Variants in HMG20A observed in about 807,000 individuals in gnomAD.
HMG20A encodes the protein high mobility group 20A.
In HMG20A, 17 loss-of-function variants were observed where a neutral mutation model predicts 43.9. The observed-to-expected ratio is 0.39, with a 90% CI of 0.27 to 0.58. HMG20A has a LOEUF of 0.58. Ranked by LOEUF, HMG20A falls within the 20% of genes least tolerant of loss-of-function variation. HMG20A has a pLI of 0.59. For missense variants in HMG20A, 341 were observed against 438.2 expected, an observed-to-expected ratio of 0.78 and a Z score of 1.98; for synonymous variants, 132 against 147.5, an observed-to-expected ratio of 0.89 and a Z score of 0.76.
At chr15:77,454,855 G>C (rs1426580703) in intron 1 of HMG20A, among the ~76,000 whole-genome samples, 1 of 152,106 alleles carries the variant, frequency 6.6e-6, no homozygotes, top group Non-Finnish European at 1.5e-5. Context: ...ATGATGGTAA[G>C]AGATTTTTGG....
chr15:77,421,588 G>C (rs1248689313), intron 1 of HMG20A, among the ~76,000 whole-genome samples: 1 of 152,224 alleles, frequency 6.6e-6, no homozygotes, highest in Non-Finnish European at 1.5e-5. Context: ...ACATGCAACA[G>C]GAAATCTAGC....
chr15:77,422,552 G>T (rs1337970072), intron 1 of HMG20A, among the ~76,000 whole-genome samples: 1 of 152,146 alleles, frequency 6.6e-6, no homozygotes, highest in Non-Finnish European at 1.5e-5. Flanking sequence ...GGAGGCGGAG[G>T]TTGCAGTGAG....
At chr15:77,441,445 T>C (rs1397598236) in intron 1 of HMG20A, among the ~76,000 whole-genome samples, 1 of 152,212 alleles carries the variant, frequency 6.6e-6, no homozygotes. Context: ...TATAATTAAA[T>C]ATACTGTTTC....
chr15:77,481,488 C>T (rs919961856), intron 9 of HMG20A, among the ~76,000 whole-genome samples: 4 of 152,138 alleles, frequency 2.6e-5, no homozygotes, highest in Non-Finnish European at 4.4e-5. Flanking sequence ...TTGATAACAT[C>T]GTGTCTCTTC....
chr15:77,471,359 A>G (rs1470178287), intron 5 of HMG20A, among the ~76,000 whole-genome samples: 2 of 152,094 alleles, frequency 1.3e-5, no homozygotes, highest in Non-Finnish European at 2.9e-5. Context: ...ACAAAATTAT[A>G]TCAGTAACTT....
At chr15:77,466,739 A>G (rs1472312116) in intron 3 of HMG20A, among the ~76,000 whole-genome samples, 1 of 152,226 alleles carries the variant, frequency 6.6e-6, no homozygotes, top group Non-Finnish European at 1.5e-5. Flanking sequence ...GTCAGGAATC[A>G]GGACCTGACA....
At chr15:77,512,276 TG>T in the HMG20A span, among the ~76,000 whole-genome samples, 1 of 152,124 alleles carries the variant, frequency 6.6e-6, no homozygotes, top group Non-Finnish European at 1.5e-5. Flanking sequence ...CATTGTTTAA[TG>T]GGTACAGAAT....
At chr15:77,458,948 C>G (rs1453541334) in intron 2 of HMG20A, among the ~76,000 whole-genome samples, 1 of 152,144 alleles carries the variant, frequency 6.6e-6, no homozygotes, top group Non-Finnish European at 1.5e-5. Context: ...CCCCCTTCTC[C>G]TTTCTGTGGG....
chr15:77,463,715 G>C (rs1014275818), intron 2 of HMG20A, among the ~76,000 whole-genome samples: 1 of 152,158 alleles, frequency 6.6e-6, no homozygotes, highest in African/African-American at 2.4e-5. Context: ...TAACTTGATA[G>C]TATTGTTCTT....
chr15:77,453,946 G>A (rs1471788224), intron 1 of HMG20A, among the ~76,000 whole-genome samples: 1 of 151,856 alleles, frequency 6.6e-6, no homozygotes, highest in Non-Finnish European at 1.5e-5. Flanking sequence ...TGAGGCAGGA[G>A]GATTGCTTGA....
At chr15:77,467,378 C>A in intron 4 of HMG20A, 71 bp downstream of exon 4, 2 of 1,293,348 alleles carry the variant, frequency 1.5e-6, no homozygotes, top group Non-Finnish European at 2.2e-6. Flanking sequence ...ATAAGAAAAG[C>A]AAAGAGGATG....
chr15:77,452,420 G>A (rs2072612395), intron 1 of HMG20A, among the ~76,000 whole-genome samples: 1 of 152,168 alleles, frequency 6.6e-6, no homozygotes, highest in Non-Finnish European at 1.5e-5. Context: ...AGGGGCATCT[G>A]ATACATTCTT....
chr15:77,501,928 T>C, the HMG20A span, among the ~76,000 whole-genome samples: 1 of 152,340 alleles, frequency 6.6e-6, no homozygotes, highest in East Asian at 1.9e-4. Flanking sequence ...ATGTATTCAA[T>C]GCCTGGCATG....
At chr15:77,479,085 C>A in intron 8 of HMG20A, 94 bp from the exon 9 acceptor site, 1 of 1,189,268 alleles carries the variant, frequency 8.4e-7, no homozygotes. Context: ...GTCTGTGGAG[C>A]AGACCACATT....
At chr15:77,486,168 A>G (rs1206640327), downstream of HMG20A, among the ~76,000 whole-genome samples, 1 of 152,212 alleles carries the variant, frequency 6.6e-6, no homozygotes, top group Non-Finnish European at 1.5e-5. Context: ...TCTGAAGACA[A>G]CTTACAAGGA....
chr15:77,475,456 T>G (rs551002682), intron 6 of HMG20A, among the ~76,000 whole-genome samples: 2 of 152,338 alleles, frequency 1.3e-5, no homozygotes, highest in South Asian at 4.1e-4. Flanking sequence ...GAGAAAAGAT[T>G]ACCAGTCTGA....
At chr15:77,426,772 A>G (rs1290439952) in intron 1 of HMG20A, among the ~76,000 whole-genome samples, 1 of 152,184 alleles carries the variant, frequency 6.6e-6, no homozygotes, top group African/African-American at 2.4e-5. Context: ...GAATGGAGCC[A>G]GAAGAAAGAA....
intron 4 of HMG20A, among the ~76,000 whole-genome samples, chr15:77,470,632 T>A (rs1263541907): frequency 1.3e-5 from 2 of 152,222 alleles, no homozygotes; most frequent in Non-Finnish European, 2.9e-5. Context: ...TCTTCATGAA[T>A]TTTTTATAAG....
intron 1 of HMG20A, among the ~76,000 whole-genome samples, chr15:77,437,913 C>T (rs2073566941): frequency 6.6e-6 from 1 of 151,888 alleles, no homozygotes; most frequent in Non-Finnish European, 1.5e-5. Context: ...AGAGAGTTCT[C>T]AATAGCAGTC....
Sources: allele counts gnomAD v4.1 joint callset (sites outside exome capture counted in the v4.1 genomes callset), GRCh38; gene constraint gnomAD v4.1.1; transcripts MANE v1.5; gene names NCBI Gene and HGNC (gene_info 2026-07-23, HGNC 2026-07-21).